Variants in OR3A2 observed in about 807,000 individuals in gnomAD.
The protein encoded by OR3A2 is olfactory receptor 3A2.
For synonymous variants in OR3A2, 126 were observed against 159.3 expected (o/e 0.79, Z 1.57); for missense variants, 318 against 392.8 (o/e 0.81, Z 1.61).
intron 2 of OR3A2, among the ~76,000 whole-genome samples, chr17:3,369,927 C>G (rs1017155495): frequency 2.0e-5 from 3 of 151,854 alleles, no homozygotes; most frequent in African/African-American, 7.3e-5. Context: ...CCTTAGCCTC[C>G]CGAGTAGCTG....
intron 3 of OR3A2, among the ~76,000 whole-genome samples, chr17:3,321,062 T>C (rs952619221): frequency 5.3e-5 from 8 of 152,152 alleles, no homozygotes; most frequent in Non-Finnish European, 1.0e-4. Flanking sequence ...CATTGAGCAG[T>C]GGTTTGTAGT....
chr17:3,279,341 TTAAA>T (rs1190883895), intron 1 of OR3A2, among the ~76,000 whole-genome samples, 188 bp from the exon 4 acceptor site: 1 of 152,212 alleles, frequency 6.6e-6, no homozygotes, highest in East Asian at 1.9e-4. Flanking sequence ...GTTCTGTACC[TTAAA>T]TATAGACAAA....
intron 3 of OR3A2, among the ~76,000 whole-genome samples, chr17:3,314,816 G>A (rs953663527): frequency 2.0e-5 from 3 of 152,154 alleles, no homozygotes; most frequent in South Asian, 2.1e-4. Flanking sequence ...CACAGTACCC[G>A]ATAGGCAGTT....
chr17:3,376,128 C>G (rs946514876), intron 2 of OR3A2, among the ~76,000 whole-genome samples: 1 of 152,216 alleles, frequency 6.6e-6, no homozygotes, highest in African/African-American at 2.4e-5. Context: ...CTCTGGTTGA[C>G]CAGGGTGTTG....
intron 3 of OR3A2, among the ~76,000 whole-genome samples, chr17:3,305,252 T>G (rs1456467745): frequency 6.7e-6 from 1 of 148,834 alleles, no homozygotes; most frequent in African/African-American, 2.6e-5. Context: ...TGTCTTCGTT[T>G]TTTTCCTTCA....
rs140452225 is a variant in OR3A2 at position 3,358,327 on chromosome 17, T to C, written c.-178-22201A>G. On this transcript the variant is annotated intron_variant, in intron 2 of 4. Coordinates refer to the OR3A2 transcript ENST00000573491. Reference sequence around the variant, plus strand: ...TTCTCATCTTCTGCTAGCTTTGGGGTTGATTTGTTCTTGCTTCTTTAATCT... The same window carrying C: ...TTCTCATCTTCTGCTAGCTTTGGGGCTGATTTGTTCTTGCTTCTTTAATCT... Among the ~76,000 whole-genome samples, 1,096 of 151,694 alleles carry C rather than the reference T, an allele frequency of 7.2e-3. 54 individuals are homozygous for C. The highest frequency in any genetic ancestry group is 0.025 in the African/African-American group (1,020 of 41,020).
Position 3,311,573 on chromosome 17 carries a change from A to C in OR3A2, c.-85+24460T>G. On this transcript the variant is annotated intron_variant, in intron 3 of 4. Transcript: ENST00000573491. This position sits in a 1 kb window ranked among gnomAD's most constrained non-coding sequence, Gnocchi z 4.6. ...TTCCAGCTCTCTTGCTCCAGCATCC[A>C]CCTCAATGGGCAGCTGCTGCTTGTG... 2.4e-6 allele frequency: 1 copy of C among 416,778 alleles called. No individual in the cohort carries two copies. Among genetic ancestry groups the C allele is most frequent in the Non-Finnish European group, 4.9e-6 (1 of 206,086 alleles). The allele number at this position is 416,778 out of a possible 1,614,324, so 25.8% of individuals were successfully genotyped here. A position where few individuals can be genotyped will look rare whatever the true frequency, so the allele number is the denominator to read the frequency against.
At chr17:3,316,202 G>T (rs1267494007) in intron 3 of OR3A2, among the ~76,000 whole-genome samples, 1 of 152,186 alleles carries the variant, frequency 6.6e-6, no homozygotes, top group Admixed American at 6.5e-5. Context: ...GCAGATATAA[G>T]TCCATGGATT....
At chr17:3,333,691 C>T (rs1340691962) in intron 3 of OR3A2, among the ~76,000 whole-genome samples, 1 of 151,526 alleles carries the variant, frequency 6.6e-6, no homozygotes, top group Non-Finnish European at 1.5e-5. Context: ...CATGTTCCCC[C>T]AATAAAAGAT....
chr17:3,346,423 T>C (rs867937516), intron 2 of OR3A2, among the ~76,000 whole-genome samples: 1 of 152,126 alleles, frequency 6.6e-6, no homozygotes, highest in African/African-American at 2.4e-5. Flanking sequence ...GAGGGAATGT[T>C]CCCTGTTTTC....
intron 2 of OR3A2, among the ~76,000 whole-genome samples, chr17:3,372,847 A>AGGAGAAGGAGAG (rs2049643310): frequency 1.5e-5 from 1 of 65,072 alleles, no homozygotes; most frequent in African/African-American, 5.7e-5. Context: ...GAGAAGGAGA[A>AGGAGAAGGAGAG]GGAGAGGGAG....
intron 3 of OR3A2, chr17:3,291,816 C>T: frequency 6.2e-7 from 1 of 1,613,830 alleles, no homozygotes; most frequent in Middle Eastern, 1.6e-4. Context: ...GATACCTGAA[C>T]CATAGAATAT....
At chr17:3,372,031 G>A (rs1597363061) in intron 2 of OR3A2, among the ~76,000 whole-genome samples, 1 of 112,060 alleles carries the variant, frequency 8.9e-6, no homozygotes, top group Admixed American at 8.9e-5. Flanking sequence ...CTCATACGGG[G>A]CGGCTGCCGG....
intron 3 of OR3A2, among the ~76,000 whole-genome samples, chr17:3,303,994 TAA>T (rs1003708505): frequency 1.2e-3 from 13 of 11,202 alleles, no homozygotes; most frequent in East Asian, 8.1e-3. Flanking sequence ...ATTATACTAA[TAA>T]TATATATATA....
At chr17:3,318,869 A>C (rs2049097211) in intron 3 of OR3A2, among the ~76,000 whole-genome samples, 2 of 152,220 alleles carry the variant, frequency 1.3e-5, no homozygotes, top group African/African-American at 4.8e-5. Flanking sequence ...TCCTAACCCT[A>C]ACCAACCCTA....
intron 2 of OR3A2, among the ~76,000 whole-genome samples, chr17:3,364,386 C>G (rs2049545576): frequency 6.6e-6 from 1 of 152,118 alleles, no homozygotes; most frequent in African/African-American, 2.4e-5. Flanking sequence ...TATTTTGAAA[C>G]ATACAATATG....
At chr17:3,299,292 T>C (rs1394947461) in intron 3 of OR3A2, among the ~76,000 whole-genome samples, 1 of 152,144 alleles carries the variant, frequency 6.6e-6, no homozygotes, top group Non-Finnish European at 1.5e-5. Context: ...GGCACAAGAA[T>C]GGAGACAAAA....
chr17:3,351,925 A>G (rs1034096149), intron 2 of OR3A2, among the ~76,000 whole-genome samples: 1 of 152,204 alleles, frequency 6.6e-6, no homozygotes, highest in Non-Finnish European at 1.5e-5. Context: ...AAAACCAAGC[A>G]ATGGGGAAAG....
intron 3 of OR3A2, among the ~76,000 whole-genome samples, chr17:3,299,589 C>T (rs2048946332): frequency 1.3e-5 from 2 of 152,278 alleles, no homozygotes; most frequent in African/African-American, 2.4e-5. Flanking sequence ...TTGCCGAGCC[C>T]TCCCTCAATG....
Sources: gnomAD v4.1 joint callset for allele counts (sites outside exome capture counted in the v4.1 genomes callset) on GRCh38, gnomAD v4.1.1 for gene constraint, Gnocchi (gnomAD v3.1) non-coding constraint, MANE v1.5 for transcripts, NCBI Gene and HGNC (gene_info 2026-07-23, HGNC 2026-07-21) for gene names.